ZNF804B: variants seen among roughly 807,000 people sequenced by gnomAD.
ZNF804B encodes zinc finger protein 804B, also known as zinc finger 804B.
ZNF804B carries 80 observed loss-of-function variants against 101.4 expected under a neutral mutation model. The ratio of observed to expected loss-of-function variants is 0.79; its 90% CI spans 0.66 to 0.95. ZNF804B has a LOEUF of 0.95. ZNF804B is among the 40% of genes least tolerant of loss of function. The pLI is 0.00. For missense variants in ZNF804B, 1,673 were observed against 1,561.9 expected, an observed-to-expected ratio of 1.07 and a Z score of -1.20; for synonymous variants, 622 against 558.8, an observed-to-expected ratio of 1.11 and a Z score of -1.59.
chr7:89,119,122 C>CTTG, intron 1 of ZNF804B, among the ~76,000 whole-genome samples: 1 of 152,116 alleles, frequency 6.6e-6, no homozygotes, highest in Non-Finnish European at 1.5e-5. Context: ...ATGTTTTAAG[C>CTTG]ACTGGGCTAG....
At chr7:89,314,995 T>A (rs1041390068) in intron 2 of ZNF804B, among the ~76,000 whole-genome samples, 4 of 152,268 alleles carry the variant, frequency 2.6e-5, no homozygotes, top group Non-Finnish European at 2.9e-5. Flanking sequence ...TGAGGCTGGA[T>A]AATTTATAAA....
At chr7:89,218,445 G>A (rs1295786629) in intron 2 of ZNF804B, 150 bp downstream of exon 2, 10 of 944,230 alleles carry the variant, frequency 1.1e-5, no homozygotes, top group Non-Finnish European at 1.5e-5. Context: ...TGTGTTTTGT[G>A]TTTAAATGTT....
chr7:89,097,121 G>A lies in ZNF804B; in HGVS notation c.109-121034G>A, dbSNP rs533977455. 4.6e-5 allele frequency among the ~76,000 whole-genome samples: 7 copies of A among 152,270 alleles called. No homozygotes were observed. The East Asian group carries it at 1.4e-3, about 29-fold the overall frequency. On this transcript the variant is annotated intron_variant, in intron 1 of 3. Transcript: ENST00000333190. ...TCCCCAACGAAAATTAATGGGATACGTGCAGCTGCATCTCTGGACAGACCA... is the reference window on the plus strand; with the variant it reads ...TCCCCAACGAAAATTAATGGGATACATGCAGCTGCATCTCTGGACAGACCA...
At chr7:89,282,936 G>T (rs1790122071) in intron 2 of ZNF804B, among the ~76,000 whole-genome samples, 1 of 152,140 alleles carries the variant, frequency 6.6e-6, no homozygotes, top group African/African-American at 2.4e-5. Flanking sequence ...CTGGCTGCCA[G>T]AACTTTGAAA....
At position 89,337,676 on chromosome 7, in the gene ZNF804B, G is replaced by T. The variant is rs1264824305; in HGVS notation, c.*644G>T. ...TTATCTTCATTTCACACAAATCTATGTCAAGATAATTTTGTAATTGTAAGA... is the reference window on the plus strand; with the variant it reads ...TTATCTTCATTTCACACAAATCTATTTCAAGATAATTTTGTAATTGTAAGA... On this transcript the variant is annotated 3_prime_UTR_variant, in exon 4 of 4. Transcript: ENST00000333190. Among the ~76,000 whole-genome samples, 1 of 152,032 alleles carries T rather than the reference G, an allele frequency of 6.6e-6. No individual in the cohort carries two copies. The highest frequency in any genetic ancestry group is 1.9e-4 in the East Asian group (1 of 5,192).
At chr7:89,221,691 TTTCTA>T (rs61397319) in intron 2 of ZNF804B, among the ~76,000 whole-genome samples, 25,271 of 142,274 alleles carry the variant, frequency 0.18, 2,289 homozygotes, top group Admixed American at 0.24. Context: ...TTCCTCAATA[TTTCTA>T]TTCTATTCTA....
chr7:89,308,145 G>A (rs1160414323), intron 2 of ZNF804B, among the ~76,000 whole-genome samples: 3 of 152,014 alleles, frequency 2.0e-5, no homozygotes, highest in South Asian at 4.1e-4. Flanking sequence ...ATATTTGAAC[G>A]CTCTTGACAG....
intron 1 of ZNF804B, among the ~76,000 whole-genome samples, chr7:88,993,518 G>C (rs1023116573): frequency 3.3e-5 from 5 of 151,794 alleles, no homozygotes; most frequent in African/African-American, 1.2e-4. Flanking sequence ...ACAGAAAAAA[G>C]GTCAATGACC....
intron 1 of ZNF804B, among the ~76,000 whole-genome samples, chr7:89,171,279 G>GCTTCTTCTT (rs1491306372): frequency 8.5e-5 from 6 of 70,542 alleles, no homozygotes; most frequent in Admixed American, 2.6e-4. Context: ...CACAAATAAT[G>GCTTCTTCTT]CTGCTGCTGC....
At chr7:89,259,286 C>T (rs545962972) in intron 2 of ZNF804B, among the ~76,000 whole-genome samples, 7 of 152,158 alleles carry the variant, frequency 4.6e-5, no homozygotes, top group Non-Finnish European at 8.8e-5. Flanking sequence ...TGTAACCTTG[C>T]ACCCCAACTG....
chr7:89,044,946 G>C (rs1414667720), intron 1 of ZNF804B, among the ~76,000 whole-genome samples: 1 of 152,196 alleles, frequency 6.6e-6, no homozygotes, highest in African/African-American at 2.4e-5. Flanking sequence ...AATATTTCCA[G>C]GTCATGTCAG....
chr7:89,164,466 G>T (rs1385732250), intron 1 of ZNF804B, among the ~76,000 whole-genome samples: 1 of 152,082 alleles, frequency 6.6e-6, no homozygotes, highest in African/African-American at 2.4e-5. Flanking sequence ...TTCTGTGTCG[G>T]TTGCCATAGA....
intron 1 of ZNF804B, among the ~76,000 whole-genome samples, chr7:88,813,053 A>G (rs534615813): frequency 3.0e-4 from 45 of 152,332 alleles, no homozygotes; most frequent in African/African-American, 1.0e-3. Context: ...TTTTTACCAC[A>G]ATTAAAAAAT....
At chr7:89,327,239 A>G in intron 2 of ZNF804B, 105 bp from the exon 3 acceptor site, 1 of 1,093,518 alleles carries the variant, frequency 9.1e-7, no homozygotes, top group Admixed American at 3.2e-5. Flanking sequence ...TTCTGCCCAG[A>G]AAGTCACCTC....
chr7:89,017,000 CTT>C (rs1584075201), intron 1 of ZNF804B, among the ~76,000 whole-genome samples: 1 of 152,178 alleles, frequency 6.6e-6, no homozygotes, highest in Non-Finnish European at 1.5e-5. Flanking sequence ...TTTGTGTCCT[CTT>C]TTATTTCATT....
At chr7:89,195,145 A>T (rs1202445506) in intron 1 of ZNF804B, among the ~76,000 whole-genome samples, 1 of 150,978 alleles carries the variant, frequency 6.6e-6, no homozygotes, top group Non-Finnish European at 1.5e-5. Context: ...AACAACCTTC[A>T]TGCTAAAAAC....
chr7:89,248,552 A>G (rs897636092), intron 2 of ZNF804B, among the ~76,000 whole-genome samples: 22 of 152,120 alleles, frequency 1.4e-4, no homozygotes, highest in African/African-American at 4.1e-4. Context: ...CTTCTTAAGC[A>G]AAGGAGAAAT....
At chr7:88,959,701 C>T (rs1481317045) in intron 1 of ZNF804B, among the ~76,000 whole-genome samples, 1 of 151,370 alleles carries the variant, frequency 6.6e-6, no homozygotes, top group East Asian at 2.0e-4. Flanking sequence ...CTCCTCCCAC[C>T]TCTATTGACA....
At chr7:89,016,814 A>C (rs1472337149) in intron 1 of ZNF804B, among the ~76,000 whole-genome samples, 1 of 152,208 alleles carries the variant, frequency 6.6e-6, no homozygotes, top group African/African-American at 2.4e-5. Flanking sequence ...TGACTTGGCG[A>C]TGCGGGCTCC....
Sources: gnomAD v4.1 joint callset for allele counts (sites outside exome capture counted in the v4.1 genomes callset) on GRCh38, gnomAD v4.1.1 for gene constraint, MANE v1.5 for transcripts, NCBI Gene and HGNC (gene_info 2026-07-23, HGNC 2026-07-21) for gene names.